MAP4K4: variants seen among roughly 807,000 people sequenced by gnomAD.
MAP4K4 encodes mitogen-activated protein kinase kinase kinase kinase 4, also known as HPK/GCK-like kinase HGK.
MAP4K4 carries 38 observed loss-of-function variants against 189.6 expected under a neutral mutation model. The observed-to-expected ratio is 0.20, with a 90% CI of 0.15 to 0.26. MAP4K4 has a LOEUF of 0.26. Among genes scored for constraint, MAP4K4 ranks in the 10% least tolerant of loss-of-function variants. The pLI, the probability that MAP4K4 is intolerant of heterozygous loss-of-function variation, is 1.00. For synonymous variants in MAP4K4, 610 were observed against 624.3 expected (o/e 0.98, Z 0.34); for missense variants, 1,054 against 1,726.9 (o/e 0.61, Z 6.91).
chr2:101,787,449 C>T (rs768014397), intron 2 of MAP4K4, among the ~76,000 whole-genome samples: 5 of 152,234 alleles, frequency 3.3e-5, no homozygotes, highest in South Asian at 2.1e-4. Context: ...GAAGGAGGGT[C>T]GTGTGTCGTA....
At chr2:101,720,812 T>G (rs1402305694) in intron 2 of MAP4K4, among the ~76,000 whole-genome samples, 1 of 152,242 alleles carries the variant, frequency 6.6e-6, no homozygotes, top group Non-Finnish European at 1.5e-5. Context: ...CTAGCTCTTG[T>G]AGGTCTTAAT....
intron 29 of MAP4K4, 92 bp from the exon 30 acceptor site, chr2:101,886,996 G>C (rs1214234954): frequency 1.0e-6 from 1 of 972,016 alleles, no homozygotes; most frequent in Non-Finnish European, 1.5e-6. Flanking sequence ...CTGCACTCCA[G>C]CCTGGGTGAC....
chr2:101,761,365 A>T (rs1453438447), intron 2 of MAP4K4, among the ~76,000 whole-genome samples: 1 of 149,346 alleles, frequency 6.7e-6, no homozygotes, highest in Non-Finnish European at 1.5e-5. Context: ...ATGTTGCTTG[A>T]TCTTTTCCAG....
At chr2:101,850,287 A>G (rs1233755456) in intron 12 of MAP4K4, among the ~76,000 whole-genome samples, 2 of 152,362 alleles carry the variant, frequency 1.3e-5, no homozygotes, top group Non-Finnish European at 2.9e-5. Flanking sequence ...AAAGGGAAGC[A>G]AGAGGAAAAA....
chr2:101,786,709 G>T (rs4616501), intron 2 of MAP4K4, among the ~76,000 whole-genome samples: 2 of 152,032 alleles, frequency 1.3e-5, no homozygotes, highest in Non-Finnish European at 2.9e-5. Context: ...CACTGTGGAA[G>T]GGGGATCCTG....
intron 5 of MAP4K4, among the ~76,000 whole-genome samples, chr2:101,826,835 C>T (rs1221754183): frequency 2.6e-5 from 4 of 152,090 alleles, no homozygotes; most frequent in Admixed American, 2.0e-4. Flanking sequence ...TCTAATGTAA[C>T]GTGGATACAT....
chr2:101,774,549 A>G (rs1421550283), intron 2 of MAP4K4, among the ~76,000 whole-genome samples: 1 of 152,130 alleles, frequency 6.6e-6, no homozygotes, highest in Non-Finnish European at 1.5e-5. Flanking sequence ...TAGCAGTGCA[A>G]GAAGCTTATT....
chr2:101,766,007 C>G (rs1200023504), intron 2 of MAP4K4, among the ~76,000 whole-genome samples: 1 of 151,876 alleles, frequency 6.6e-6, no homozygotes, highest in African/African-American at 2.4e-5. Flanking sequence ...GGTTACATAC[C>G]CTATTCGGAG....
chr2:101,773,957 G>A (rs1426645490), intron 2 of MAP4K4, among the ~76,000 whole-genome samples: 2 of 152,088 alleles, frequency 1.3e-5, no homozygotes, highest in Non-Finnish European at 2.9e-5. Context: ...TTATCCATTC[G>A]TCTATTAATG....
chr2:101,738,917 G>A (rs1304398374), intron 2 of MAP4K4, among the ~76,000 whole-genome samples: 1 of 152,054 alleles, frequency 6.6e-6, no homozygotes, highest in Non-Finnish European at 1.5e-5. Flanking sequence ...TTCATGAGGT[G>A]GTTGTGAGGA....
At chr2:101,774,616 T>G (rs2083059539) in intron 2 of MAP4K4, among the ~76,000 whole-genome samples, 1 of 152,242 alleles carries the variant, frequency 6.6e-6, no homozygotes, top group Non-Finnish European at 1.5e-5. Context: ...GCTTGTGAGG[T>G]AACCTGAATT....
intron 2 of MAP4K4, among the ~76,000 whole-genome samples, chr2:101,724,368 C>T (rs556690602): frequency 2.6e-5 from 4 of 152,038 alleles, no homozygotes; most frequent in Non-Finnish European, 5.9e-5. Context: ...TGAGCCAGAT[C>T]GTGTCATCTA....
At chr2:101,748,914 T>C (rs1401019219) in intron 2 of MAP4K4, among the ~76,000 whole-genome samples, 14 of 131,226 alleles carry the variant, frequency 1.1e-4, no homozygotes, top group Admixed American at 4.0e-4. Flanking sequence ...TCACAATTGC[T>C]TCAAAGAGAA....
In MAP4K4 at chr2:101,888,950, AT is replaced by A. The variant is rs781469842; in HGVS notation, c.4071+16del. Reference sequence around the variant, plus strand: ...GCAATGACAAGGTAATAGTTCCCTTATGGATTCTTTTTAGTTGCTCTATCTT... The same window carrying A: ...GCAATGACAAGGTAATAGTTCCCTTAGGATTCTTTTTAGTTGCTCTATCTT... On this transcript the variant is annotated intron_variant, in intron 32 of 32. Transcript: ENST00000324219. 4.8e-5 allele frequency: 77 copies of A among 1,602,174 alleles called. No individual in the cohort carries two copies. The African/African-American group carries it at 9.6e-4, about 20-fold the overall frequency.
chr2:101,728,553 C>G (rs931903294), intron 2 of MAP4K4, among the ~76,000 whole-genome samples: 1 of 151,978 alleles, frequency 6.6e-6, no homozygotes, highest in Non-Finnish European at 1.5e-5. Flanking sequence ...GCTCTGTCAC[C>G]CAGGCTGGGG....
intron 2 of MAP4K4, among the ~76,000 whole-genome samples, chr2:101,750,707 C>T (rs918630583): frequency 2.5e-4 from 38 of 151,544 alleles, no homozygotes; most frequent in African/African-American, 9.2e-4. Context: ...GGCCTGTAAT[C>T]CTAGCTACTC....
At chr2:101,809,203 G>T (rs1052026105) in intron 3 of MAP4K4, among the ~76,000 whole-genome samples, 1 of 151,988 alleles carries the variant, frequency 6.6e-6, no homozygotes, top group Admixed American at 6.5e-5. Flanking sequence ...TGTATATAGC[G>T]CGTATATATG....
chr2:101,751,352 C>T (rs2068835847), intron 2 of MAP4K4, among the ~76,000 whole-genome samples: 1 of 152,186 alleles, frequency 6.6e-6, no homozygotes, highest in African/African-American at 2.4e-5. Flanking sequence ...AACAGAGAGG[C>T]AGAATACTCT....
chr2:101,812,692 A>T (rs966469469), intron 3 of MAP4K4, among the ~76,000 whole-genome samples: 1 of 152,148 alleles, frequency 6.6e-6, no homozygotes, highest in African/African-American at 2.4e-5. Context: ...TGCTGTAGAT[A>T]ATTGCCATAC....
Sources: allele counts gnomAD v4.1 joint callset (sites outside exome capture counted in the v4.1 genomes callset), GRCh38; gene constraint gnomAD v4.1.1; transcripts MANE v1.5; gene names NCBI Gene and HGNC (gene_info 2026-07-23, HGNC 2026-07-21).